Variants in HES1 observed in about 807,000 individuals in gnomAD.
HES1 encodes the protein hes family bHLH transcription factor 1.
HES1 carries 7 observed loss-of-function variants against 21.0 expected under a neutral mutation model. The ratio of observed to expected loss-of-function variants is 0.33; its 90% CI spans 0.19 to 0.63. The LOEUF is 0.63. Among genes scored for constraint, HES1 ranks in the 20% least tolerant of loss-of-function variants. The probability of loss-of-function intolerance (pLI) is 0.78; values close to 1 mark genes in which losing one functional copy is unlikely to be tolerated. For missense variants in HES1, 338 were observed against 389.8 expected, an observed-to-expected ratio of 0.87 and a Z score of 1.12; for synonymous variants, 169 against 171.2, an observed-to-expected ratio of 0.99 and a Z score of 0.10.
At chr3:194,136,923 C>T (rs1157611624) in intron 2 of HES1, 38 bp from the exon 3 acceptor site, 2 of 1,587,592 alleles carry the variant, frequency 1.3e-6, no homozygotes, top group Non-Finnish European at 1.7e-6. Flanking sequence ...AAGCAGCTGA[C>T]ACGGGGCTCA....
At chr3:194,136,878 C>A in intron 2 of HES1, 83 bp from the exon 3 acceptor site, 2 of 1,449,998 alleles carry the variant, frequency 1.4e-6, no homozygotes, top group African/African-American at 1.4e-5. Flanking sequence ...AATGCTTGCG[C>A]TCCGTGGCCG....
At position 194,136,190 on chromosome 3, in the gene HES1, G is replaced by A. The variant is rs1576925652; in HGVS notation, c.-191G>A. ...GGTGCTGATAACAGCGGAATCCCCC[G>A]TCTACCTCTCTCCTTGGTCCTGGAA... On this transcript the variant is annotated 5_prime_UTR_variant, in exon 1 of 4. Coordinates refer to ENST00000232424, the MANE Select transcript of HES1 (RefSeq NM_005524.4). 3.6e-6 allele frequency: 2 copies of A among 551,220 alleles called. No individual in the cohort carries two copies. The highest frequency in any genetic ancestry group is 3.2e-5 in the Admixed American group (1 of 31,034). 34.1% of individuals were successfully genotyped at this position (551,220 alleles called of 1,614,324 possible). A position where few individuals can be genotyped will look rare whatever the true frequency, so the allele number is the denominator to read the frequency against.
At position 194,137,584 on chromosome 3, in the gene HES1, A is replaced by T. The variant is rs1715376067; in HGVS notation, c.293-99A>T. On this transcript the variant is annotated intron_variant, in intron 3 of 3. Transcript: ENST00000232424. This position sits in a 1 kb window ranked among gnomAD's most constrained non-coding sequence, Gnocchi z 5.4. ...CTGCCGGAGGCAGTTTCACGGGCGC[A>T]TGGTCAGGGAGGCGCGCCACAGGGA... The T allele has an allele frequency of 7.7e-7, 1 of 1,290,872 alleles. No homozygotes were observed. 80.0% of individuals were successfully genotyped at this position (1,290,872 alleles called of 1,614,324 possible).
Position 194,137,145 on chromosome 3 carries a change from C to T in HES1, c.292+97C>T, listed in dbSNP as rs1323216734. ...GCCCGTGGTTGTGAGAGGCATTCAG[C>T]TACATTTTACTGCCTTGGCTCACTC... On this transcript the variant is annotated intron_variant, in intron 3 of 3. Transcript: ENST00000232424. This position sits in a 1 kb window ranked among gnomAD's most constrained non-coding sequence, Gnocchi z 5.4. 3.1e-6 allele frequency: 3 copies of T among 965,412 alleles called. No homozygotes were observed. Among genetic ancestry groups the T allele is most frequent in the Admixed American group, 1.8e-5 (1 of 55,648 alleles). The allele number at this position is 965,412 out of a possible 1,614,324, so 59.8% of individuals were successfully genotyped here. A position where few individuals can be genotyped will look rare whatever the true frequency, so the allele number is the denominator to read the frequency against.
At position 194,136,688 on chromosome 3, in the gene HES1, G is replaced by T; in HGVS notation, c.180G>T (p.Leu60=). The change falls in exon 2 of 4, where the codon CTG becomes CTT. Residue 60 remains leucine (L), a synonymous_variant. Transcript: ENST00000232424. The stretch of plus-strand genomic sequence containing the variant: ...AAAGTCTGAGCCAGCTGAAAACACT[G>T]ATTTTGGATGCTCTGAAGAAAGATG... ...INESLSQLKT[L]ILDALKKDSS... 6.2e-7 allele frequency: 1 copy of T among 1,613,790 alleles called. No individual in the cohort carries two copies. The highest frequency in any genetic ancestry group is 8.5e-7 in the Non-Finnish European group (1 of 1,179,618).
rs540227829 is a variant in HES1, at chr3:194,138,500, CGA to C, written c.*270_*271del. On this transcript the variant is annotated 3_prime_UTR_variant, in exon 4 of 4. Transcript: ENST00000232424. The stretch of plus-strand genomic sequence containing the variant: ...CTCAGATGACATTTCGTTTTTTACA[CGA>C]GATTTCTTTTTTATGTGATGCCAAA... 2.8e-4 allele frequency: 96 copies of C among 346,144 alleles called. No homozygotes were observed. Among genetic ancestry groups the C allele is most frequent in the African/African-American group, 1.9e-3 (91 of 47,702 alleles). 21.4% of individuals were successfully genotyped at this position (346,144 alleles called of 1,614,324 possible).
intron 2 of HES1, 91 bp downstream of exon 2, chr3:194,136,803 G>C: frequency 7.2e-7 from 1 of 1,393,740 alleles, no homozygotes. Flanking sequence ...GCGGGGTCTG[G>C]CACTCGCTGG....
At position 194,138,367 on chromosome 3, in the gene HES1, C is replaced by A; in HGVS notation, c.*134C>A. The A allele has an allele frequency of 1.1e-6, 1 of 931,780 alleles. No homozygotes were observed. The allele number at this position is 931,780 out of a possible 1,614,324, so 57.7% of individuals were successfully genotyped here. ...TGGTTACTTTGTGTTTTTTTAATTT[C>A]TAAGAAGTTACTTTTTGTAGAGAGA... On this transcript the variant is annotated 3_prime_UTR_variant, in exon 4 of 4. Coordinates refer to ENST00000232424, the MANE Select transcript of HES1 (RefSeq NM_005524.4).
chr3:194,136,456 G>A lies in HES1; in HGVS notation c.76G>A (p.Asp26Asn), dbSNP rs985731314. The A allele has an allele frequency of 1.9e-6, 3 of 1,611,998 alleles. No homozygotes were observed. Among genetic ancestry groups the A allele is most frequent in the Non-Finnish European group, 2.5e-6 (3 of 1,179,530 alleles). The part of the protein sequence containing the change: ...ATPASVNTTP[D>N]KPKTASEHRK... ...CCCAGCCAGTGTCAACACGACACCG[G>A]ATAAACCAAAGACAGCATCTGAGCA... Residue 26 changes from aspartate (D) to asparagine (N), a missense_variant, in exon 1 of 4, where the codon GAT becomes AAT. Transcript: ENST00000232424.
chr3:194,138,266 C>G lies in HES1; in HGVS notation c.*33C>G, dbSNP rs751170908. 9.3e-6 allele frequency: 14 copies of G among 1,500,614 alleles called. No homozygotes were observed. The highest frequency in any genetic ancestry group is 1.2e-5 in the Non-Finnish European group (14 of 1,124,070). 93.0% of individuals were successfully genotyped at this position (1,500,614 alleles called of 1,614,324 possible). A position where few individuals can be genotyped will look rare whatever the true frequency, so the allele number is the denominator to read the frequency against. ...CAGGCCACCCCTCCTCCTAAACTCC[C>G]CAACCCACCTCTCTTCCCTCCGGAC... On this transcript the variant is annotated 3_prime_UTR_variant, in exon 4 of 4. Transcript: ENST00000232424.
intron 2 of HES1, 119 bp downstream of exon 2, chr3:194,136,831 C>T (rs767878985): frequency 5.7e-5 from 77 of 1,362,428 alleles, no homozygotes; most frequent in Non-Finnish European, 7.9e-5. Flanking sequence ...TTCTCCCAGG[C>T]GGGAGGGCCC....
intron 2 of HES1, 51 bp downstream of exon 2, chr3:194,136,763 T>A: frequency 6.5e-7 from 1 of 1,529,552 alleles, no homozygotes; most frequent in Non-Finnish European, 9.1e-7. Flanking sequence ...AAACACTTTC[T>A]CAGCTACTAA....
rs745559707 is a variant in HES1 at position 194,137,945 on chromosome 3, G to T, written c.555G>T (p.Pro185=). 3 of 1,309,206 alleles carry T rather than the reference G, an allele frequency of 2.3e-6. No homozygotes were observed. Among genetic ancestry groups the T allele is most frequent in the Non-Finnish European group, 2.9e-6 (3 of 1,029,396 alleles). The allele number at this position is 1,309,206 out of a possible 1,614,324, so 81.1% of individuals were successfully genotyped here. A position where few individuals can be genotyped will look rare whatever the true frequency, so the allele number is the denominator to read the frequency against. The part of the protein sequence containing the change: ...GPQHAPFAPP[P]PLVPIPGGAA... ...AGCACGCGCCGTTCGCGCCGCCGCCGCCACTCGTGCCCATCCCCGGGGGCG... is the reference window on the plus strand; with the variant it reads ...AGCACGCGCCGTTCGCGCCGCCGCCTCCACTCGTGCCCATCCCCGGGGGCG... The change falls in exon 4 of 4, where the codon CCG becomes CCT. Residue 185 remains proline (P), a synonymous_variant. Transcript: ENST00000232424. This position sits in a 1 kb window ranked among gnomAD's most constrained non-coding sequence, Gnocchi z 5.4.
rs1423544995 is a variant in HES1 at position 194,136,661 on chromosome 3, T to C, written c.153T>C (p.Asn51=). ...IMEKRRRARI[N]ESLSQLKTLI... ...AGAAAAGACGAAGAGCAAGAATAAATGAAAGTCTGAGCCAGCTGAAAACAC... is the reference window on the plus strand; with the variant it reads ...AGAAAAGACGAAGAGCAAGAATAAACGAAAGTCTGAGCCAGCTGAAAACAC... The change falls in exon 2 of 4, where the codon AAT becomes AAC. Residue 51 remains asparagine (N), a synonymous_variant. Transcript: ENST00000232424. 1.9e-6 allele frequency: 3 copies of C among 1,613,968 alleles called. No homozygotes were observed. Among genetic ancestry groups the C allele is most frequent in the South Asian group, 1.1e-5 (1 of 91,064 alleles).
chr3:194,137,538 TC>T lies in HES1; in HGVS notation c.293-144del, dbSNP rs1293777702. The stretch of plus-strand genomic sequence containing the variant: ...TAGTGTGGAGAGGTGGCTGGTTTTT[TC>T]TAAACCCATCTCACCCTCCCTGCCG... On this transcript the variant is annotated intron_variant, in intron 3 of 3. Transcript: ENST00000232424. The surrounding 1 kb of genome is among the most constrained non-coding windows in gnomAD (Gnocchi z 5.4). 2 of 834,236 alleles carry T rather than the reference TC, an allele frequency of 2.4e-6. No homozygotes were observed. Among genetic ancestry groups the T allele is most frequent in the Non-Finnish European group, 3.6e-6 (2 of 561,214 alleles). The allele number at this position is 834,236 out of a possible 1,614,324, so 51.7% of individuals were successfully genotyped here.
Position 194,136,359 on chromosome 3 carries a change from T to TAAAA in HES1, c.-9_-6dup, listed in dbSNP as rs376059948. 13,490 of 1,160,786 alleles carry TAAAA rather than the reference T, an allele frequency of 0.012. 11 individuals are homozygous for TAAAA. Among genetic ancestry groups the TAAAA allele is most frequent in the Non-Finnish European group, 0.013 (11,125 of 843,540 alleles). The allele number at this position is 1,160,786 out of a possible 1,614,324, so 71.9% of individuals were successfully genotyped here. A position where few individuals can be genotyped will look rare whatever the true frequency, so the allele number is the denominator to read the frequency against. On this transcript the variant is annotated 5_prime_UTR_variant, in exon 1 of 4. Coordinates refer to ENST00000232424, the MANE Select transcript of HES1 (RefSeq NM_005524.4). ...CTCCAAAAATAAAATTCTCTAGAGA[T>TAAAA]AAAAAAAAAAAAAAAAGGAAAATGC... is the stretch of plus-strand genomic sequence containing the variant.
chr3:194,137,204 C>A lies in HES1; in HGVS notation c.292+156C>A. The A allele has an allele frequency of 1.5e-6, 1 of 670,418 alleles. No homozygotes were observed. The allele number at this position is 670,418 out of a possible 1,614,324, so 41.5% of individuals were successfully genotyped here. Reference sequence around the variant, plus strand: ...CCACGGTCTGGGGCTTATTTATAGCCACAACTCCAAGTTGTTACTGTTCCG... The same window carrying A: ...CCACGGTCTGGGGCTTATTTATAGCAACAACTCCAAGTTGTTACTGTTCCG... On this transcript the variant is annotated intron_variant, in intron 3 of 3. Transcript: ENST00000232424. This position sits in a 1 kb window ranked among gnomAD's most constrained non-coding sequence, Gnocchi z 5.4.
chr3:194,137,804 G>T lies in HES1; in HGVS notation c.414G>T (p.Arg138=). Residue 138 remains arginine (R), a synonymous_variant, in exon 4 of 4, where the codon CGG becomes CGT. Transcript: ENST00000232424. The surrounding 1 kb of genome is among the most constrained non-coding windows in gnomAD (Gnocchi z 5.4). ...GCGTTAATACCGAGGTGCGCACTCG[G>T]CTGCTCGGCCACCTGGCCAACTGCA... ...CEGVNTEVRT[R]LLGHLANCMT... 6.2e-7 allele frequency: 1 copy of T among 1,613,500 alleles called. No individual in the cohort carries two copies. Among genetic ancestry groups the T allele is most frequent in the Non-Finnish European group, 8.5e-7 (1 of 1,179,906 alleles).
At chr3:194,136,879 T>C in intron 2 of HES1, 82 bp from the exon 3 acceptor site, 1 of 1,453,680 alleles carries the variant, frequency 6.9e-7, no homozygotes, top group South Asian at 1.1e-5. Flanking sequence ...ATGCTTGCGC[T>C]CCGTGGCCGG....
Sources: allele counts gnomAD v4.1 joint callset, GRCh38; gene constraint gnomAD v4.1.1; non-coding constraint Gnocchi (gnomAD v3.1); transcripts MANE v1.5; gene names NCBI Gene and HGNC (gene_info 2026-07-23, HGNC 2026-07-21).